HS3ST4: variants seen among roughly 807,000 people sequenced by gnomAD.
The protein encoded by HS3ST4 is heparan sulfate-glucosamine 3-sulfotransferase 4, also known as heparan sulfate glucosamine 3-O-sulfotransferase 4.
Under a neutral mutation model 29.2 loss-of-function variants are expected in HS3ST4, and 17 were observed. The ratio of observed to expected loss-of-function variants is 0.58; its 90% CI spans 0.40 to 0.87. The LOEUF (loss-of-function observed/expected upper bound fraction) is 0.87. Ranked by LOEUF, HS3ST4 falls within the 40% of genes least tolerant of loss-of-function variation. HS3ST4 has a pLI of 0.00. For synonymous variants in HS3ST4, 314 were observed against 285.7 expected (o/e 1.10, Z -1.00); for missense variants, 627 against 634.5 (o/e 0.99, Z 0.13).
At chr16:25,726,701 T>C (rs962317924) in intron 1 of HS3ST4, among the ~76,000 whole-genome samples, 1 of 152,224 alleles carries the variant, frequency 6.6e-6, no homozygotes, top group African/African-American at 2.4e-5. Flanking sequence ...CAGTCACAGA[T>C]GAAATTCGTG....
chr16:25,794,200 T>C (rs1966876626), intron 1 of HS3ST4, among the ~76,000 whole-genome samples: 1 of 152,140 alleles, frequency 6.6e-6, no homozygotes, highest in African/African-American at 2.4e-5. Context: ...TTCTCTCTCT[T>C]CTAGGCTTTT....
At chr16:26,042,354 C>CTGTGTGTGTG (rs71732983) in intron 1 of HS3ST4, among the ~76,000 whole-genome samples, 44 of 148,546 alleles carry the variant, frequency 3.0e-4, no homozygotes, top group African/African-American at 1.0e-3. Context: ...GCATTTATCT[C>CTGTGTGTGTG]TGTGTGTGTG....
rs1555485137 is a variant in HS3ST4 at position 26,120,073 on chromosome 16, G to GTGTGTGTGTGTA, written c.735-15528_735-15527insATGTGTGTGTGT. Among the ~76,000 whole-genome samples, 678 of 102,600 alleles carry GTGTGTGTGTGTA rather than the reference G, an allele frequency of 6.6e-3. 3 individuals are homozygous for GTGTGTGTGTGTA. The highest frequency in any genetic ancestry group is 0.022 in the African/African-American group (643 of 29,282). 67.3% of individuals were successfully genotyped at this position (102,600 alleles called of 152,430 possible). On this transcript the variant is annotated intron_variant, in intron 1 of 1. Coordinates refer to ENST00000331351, the MANE Select transcript of HS3ST4 (RefSeq NM_006040.3). The stretch of plus-strand genomic sequence containing the variant: ...AGGAAGTGTGTGTGTGTGTGTGTAT[G>GTGTGTGTGTGTA]TGTGTGTGTGTGTGTGTGTATATGT...
intron 1 of HS3ST4, among the ~76,000 whole-genome samples, chr16:25,888,557 G>C (rs1967977498): frequency 6.6e-6 from 1 of 152,206 alleles, no homozygotes; most frequent in South Asian, 2.1e-4. Flanking sequence ...TGGGCCACGT[G>C]CACAAACCAG....
chr16:26,079,295 G>T (rs541205097), intron 1 of HS3ST4, among the ~76,000 whole-genome samples: 1 of 152,354 alleles, frequency 6.6e-6, no homozygotes, highest in African/African-American at 2.4e-5. Context: ...GCTTTTGGCA[G>T]CATGCAAATG....
chr16:25,716,434 C>T lies in HS3ST4; in HGVS notation c.734+23283C>T, dbSNP rs75528088. On this transcript the variant is annotated intron_variant, in intron 1 of 1. Transcript: ENST00000331351. ...GGAAACAGCCTTATGAGGAAGCTCCCCTCTTTGCTGTTGGTGAAAGGGAGA... is the reference window on the plus strand; with the variant it reads ...GGAAACAGCCTTATGAGGAAGCTCCTCTCTTTGCTGTTGGTGAAAGGGAGA... Among the ~76,000 whole-genome samples the T allele has an allele frequency of 2.6e-5, 4 of 152,270 alleles. No individual in the cohort carries two copies. In the East Asian group the frequency reaches 7.7e-4, roughly 29 times the overall value.
chr16:26,035,766 G>A (rs999779162), intron 1 of HS3ST4, among the ~76,000 whole-genome samples: 2 of 152,126 alleles, frequency 1.3e-5, no homozygotes, highest in Admixed American at 6.6e-5. Context: ...TTCCAAATGC[G>A]CAGCTGATCA....
intron 1 of HS3ST4, among the ~76,000 whole-genome samples, chr16:25,769,321 C>T (rs887754944): frequency 9.2e-5 from 14 of 152,030 alleles, no homozygotes; most frequent in African/African-American, 3.4e-4. Context: ...ATCTTTCTCA[C>T]CTCTTCATCC....
rs542077010 is a variant in HS3ST4, at chr16:25,698,156, C to A, written c.734+5005C>A. ...TTGTTGCCCAGGCTGGTCTCAAACT[C>A]CTGGCCTCAAGGAATCCGCCGTTCT... On this transcript the variant is annotated intron_variant, in intron 1 of 1. Transcript: ENST00000331351. Among the ~76,000 whole-genome samples the A allele has an allele frequency of 1.8e-4, 28 of 152,268 alleles. 1 individual carries two copies. In the Middle Eastern group the frequency reaches 0.01, roughly 55 times the overall value.
intron 1 of HS3ST4, among the ~76,000 whole-genome samples, chr16:26,101,759 A>C (rs1482637459): frequency 6.6e-6 from 1 of 152,198 alleles, no homozygotes; most frequent in African/African-American, 2.4e-5. Context: ...GGTTGAATGA[A>C]TAGATGGATG....
chr16:25,786,373 G>A (rs1296414675), intron 1 of HS3ST4, among the ~76,000 whole-genome samples: 2 of 152,106 alleles, frequency 1.3e-5, no homozygotes, highest in Admixed American at 6.5e-5. Flanking sequence ...GGATATTATC[G>A]ATACCTGCCT....
intron 1 of HS3ST4, among the ~76,000 whole-genome samples, chr16:25,934,698 A>G (rs939183358): frequency 2.0e-5 from 3 of 152,124 alleles, no homozygotes; most frequent in African/African-American, 7.2e-5. Flanking sequence ...AAACCGGAGA[A>G]CACTTTCCCT....
intron 1 of HS3ST4, among the ~76,000 whole-genome samples, chr16:26,106,085 C>G (rs545865899): frequency 6.6e-6 from 1 of 152,128 alleles, no homozygotes; most frequent in South Asian, 2.1e-4. Flanking sequence ...TTCCTAAGAC[C>G]GTAGACCCAG....
At chr16:25,868,994 G>A (rs1011257665) in intron 1 of HS3ST4, among the ~76,000 whole-genome samples, 1 of 152,126 alleles carries the variant, frequency 6.6e-6, no homozygotes, top group African/African-American at 2.4e-5. Flanking sequence ...TGTACCGTGT[G>A]TGTGCCTATG....
At chr16:25,988,909 T>C (rs1480389589) in intron 1 of HS3ST4, among the ~76,000 whole-genome samples, 2 of 151,364 alleles carry the variant, frequency 1.3e-5, no homozygotes, top group East Asian at 3.9e-4. Flanking sequence ...AAATTAAAAG[T>C]TAAAATTTTT....
At chr16:25,831,821 A>G (rs1322275467) in intron 1 of HS3ST4, among the ~76,000 whole-genome samples, 2 of 152,026 alleles carry the variant, frequency 1.3e-5, no homozygotes, top group African/African-American at 4.8e-5. Context: ...TTATAATCAC[A>G]TAGGCTGGGC....
At chr16:25,924,947 T>G (rs1369674819) in intron 1 of HS3ST4, among the ~76,000 whole-genome samples, 1 of 152,100 alleles carries the variant, frequency 6.6e-6, no homozygotes, top group African/African-American at 2.4e-5. Flanking sequence ...TGCAAGTGTA[T>G]TCATTTTCAT....
intron 1 of HS3ST4, among the ~76,000 whole-genome samples, chr16:25,999,892 A>T (rs1423925631): frequency 1.3e-3 from 155 of 120,588 alleles, no homozygotes; most frequent in African/African-American, 4.8e-3. Context: ...TTATATATAT[A>T]TATTTTATAT....
At chr16:26,132,631 A>T (rs1283168873) in intron 1 of HS3ST4, among the ~76,000 whole-genome samples, 1 of 152,184 alleles carries the variant, frequency 6.6e-6, no homozygotes, top group Non-Finnish European at 1.5e-5. Context: ...ACAGATCGTC[A>T]ATCAGCTGAA....
Sources: allele counts gnomAD v4.1 joint callset (sites outside exome capture counted in the v4.1 genomes callset), GRCh38; gene constraint gnomAD v4.1.1; transcripts MANE v1.5; gene names NCBI Gene and HGNC (gene_info 2026-07-23, HGNC 2026-07-21).